Variants in OVOL2 observed in about 807,000 individuals in gnomAD.
OVOL2 encodes the protein transcription factor Ovo-like 2.
In OVOL2, 13 loss-of-function variants were observed where a neutral mutation model predicts 18.1. The ratio of observed to expected loss-of-function variants is 0.72; its 90% CI spans 0.47 to 1.14. OVOL2 has a LOEUF of 1.14. Ranked by LOEUF, OVOL2 falls within the 50% of genes most tolerant of loss-of-function variation. The pLI is 0.00. For synonymous variants in OVOL2, 166 were observed against 162.7 expected (o/e 1.02, Z -0.16); for missense variants, 335 against 383.0 (o/e 0.87, Z 1.05).
At chr20:18,058,772 G>A (rs1200782045), upstream of OVOL2, 2 of 152,238 alleles carry the variant, frequency 1.3e-5, no homozygotes, top group Admixed American at 6.5e-5. Context: ...AGGTAGGAAA[G>A]CTTTGCATTT....
intron 2 of OVOL2, among the ~76,000 whole-genome samples, chr20:18,045,272 T>G (rs6132022): frequency 0.22 from 33,919 of 152,142 alleles, 3,882 homozygotes; most frequent in Non-Finnish European, 0.25. Flanking sequence ...ACAAGCACAT[T>G]TGAGTGGTAG....
intron 2 of OVOL2, among the ~76,000 whole-genome samples, chr20:18,050,231 C>T (rs2036760678): frequency 6.6e-6 from 1 of 152,210 alleles, no homozygotes; most frequent in South Asian, 2.1e-4. Flanking sequence ...TGGGAAGTAA[C>T]TTGGGTTTCA....
rs2036828010 is a variant in OVOL2, at chr20:18,056,594, G to A, written c.321+63C>T. ...GCGGGCGCGGCAGGGAGGGGCGCCG[G>A]CCTCGGGAGCCCGACGCCAGGGCGT... On this transcript the variant is annotated intron_variant, in intron 2 of 3. Coordinates refer to ENST00000278780, the MANE Select transcript of OVOL2 (RefSeq NM_021220.4). The surrounding 1 kb of genome is among the most constrained non-coding windows in gnomAD (Gnocchi z 4.2). 8 of 1,310,062 alleles carry A rather than the reference G, an allele frequency of 6.1e-6. No individual in the cohort carries two copies. Among genetic ancestry groups the A allele is most frequent in the Non-Finnish European group, 7.8e-6 (8 of 1,027,482 alleles). The allele number at this position is 1,310,062 out of a possible 1,614,324, so 81.2% of individuals were successfully genotyped here.
chr20:18,050,347 G>T lies in OVOL2; in HGVS notation c.321+6310C>A, dbSNP rs190997277. Among the ~76,000 whole-genome samples the T allele has an allele frequency of 3.3e-5, 5 of 152,268 alleles. No homozygotes were observed. In the East Asian group the frequency reaches 9.7e-4, roughly 29 times the overall value. On this transcript the variant is annotated intron_variant, in intron 2 of 3. Transcript: ENST00000278780. ...ACTTTGCCATGGCAGATGCAGGGACGGGCAGCCATCGAGGTGGCAGCTTCC... is the reference window on the plus strand; with the variant it reads ...ACTTTGCCATGGCAGATGCAGGGACTGGCAGCCATCGAGGTGGCAGCTTCC...
intron 2 of OVOL2, chr20:18,050,836 T>C (rs1272194368): frequency 6.6e-6 from 1 of 152,120 alleles, no homozygotes; most frequent in Non-Finnish European, 1.5e-5. Context: ...ACGAGCCCAG[T>C]AGGAAGTGTT....
chr20:18,054,776 A>C (rs1340532626), intron 2 of OVOL2, among the ~76,000 whole-genome samples: 1 of 142,700 alleles, frequency 7.0e-6, no homozygotes, highest in Non-Finnish European at 1.5e-5. Context: ...CAAAAAAAAA[A>C]AAAAAAGAAA....
At position 18,056,685 on chromosome 20, in the gene OVOL2, T is replaced by A; in HGVS notation, c.293A>T (p.Gln98Leu). Residue 98 changes from glutamine to leucine, a missense_variant, in exon 2 of 4, where the codon CAG (glutamine) becomes CTG (leucine). By Grantham distance (113) the Gln-to-Leu change is moderately radical. Transcript: ENST00000278780. The surrounding 1 kb of genome is among the most constrained non-coding windows in gnomAD (Gnocchi z 4.2). ...EGPDGHLATK[Q>L]RPVARSKIKF... The stretch of plus-strand genomic sequence containing the variant: ...GATTTTCGATCTGGCGACCGGGCGC[T>A]GCTTGGTCGCCAGGTGTCCATCGGG... The A allele has an allele frequency of 7.0e-7, 1 of 1,437,878 alleles. No individual in the cohort carries two copies. Among genetic ancestry groups the A allele is most frequent in the Non-Finnish European group, 9.1e-7 (1 of 1,100,204 alleles). The allele number at this position is 1,437,878 out of a possible 1,614,324, so 89.1% of individuals were successfully genotyped here.
chr20:18,037,137 A>G (rs1311949957), intron 3 of OVOL2, among the ~76,000 whole-genome samples: 1 of 145,852 alleles, frequency 6.9e-6, no homozygotes, highest in South Asian at 2.2e-4. Context: ...CTCCGTCTCA[A>G]AAAAAAAAAA....
chr20:18,032,570 C>T (rs1600436656), intron 3 of OVOL2, among the ~76,000 whole-genome samples: 1 of 151,982 alleles, frequency 6.6e-6, no homozygotes, highest in Admixed American at 6.6e-5. Context: ...GCAGTGGCAC[C>T]ATCTCAGCTC....
chr20:18,053,679 G>T (rs921450969), intron 2 of OVOL2, among the ~76,000 whole-genome samples: 3 of 145,522 alleles, frequency 2.1e-5, no homozygotes, highest in African/African-American at 8.0e-5. Flanking sequence ...CCAGCTCCAG[G>T]CGACAGAGAG....
chr20:18,031,930 C>T (rs1405344467), intron 3 of OVOL2, among the ~76,000 whole-genome samples: 1 of 152,198 alleles, frequency 6.6e-6, no homozygotes, highest in African/African-American at 2.4e-5. Context: ...TAGTTGCTTT[C>T]CTTGCTATAG....
chr20:18,043,374 G>A (rs986324450), intron 2 of OVOL2, among the ~76,000 whole-genome samples: 1 of 152,170 alleles, frequency 6.6e-6, no homozygotes, highest in Admixed American at 6.5e-5. Context: ...GGTTTTAAGA[G>A]ACCTTGTAGC....
rs1427162504 is a variant in OVOL2, at chr20:18,056,672, G to A, written c.306C>T (p.Ala102=). The A allele has an allele frequency of 2.8e-6, 4 of 1,429,678 alleles. No individual in the cohort carries two copies. Among genetic ancestry groups the A allele is most frequent in the Admixed American group, 3.3e-5 (1 of 30,428 alleles). The allele number at this position is 1,429,678 out of a possible 1,614,324, so 88.6% of individuals were successfully genotyped here. ...GHLATKQRPV[A]RSKIKFTTGT... ...GACACAGTACCTTGATTTTCGATCT[G>A]GCGACCGGGCGCTGCTTGGTCGCCA... The change falls in exon 2 of 4, where the codon GCC becomes GCT. Residue 102 remains alanine (A), a synonymous_variant. Transcript: ENST00000278780. The surrounding 1 kb of genome is among the most constrained non-coding windows in gnomAD (Gnocchi z 4.2).
At chr20:18,034,451 G>A (rs1271113709) in intron 3 of OVOL2, among the ~76,000 whole-genome samples, 1 of 152,114 alleles carries the variant, frequency 6.6e-6, no homozygotes, top group Non-Finnish European at 1.5e-5. Flanking sequence ...CCACTTGACA[G>A]CCCTCCCTCA....
In OVOL2 at chr20:18,057,795, C is replaced by T; in HGVS notation, c.-161G>A. 2.2e-6 allele frequency: 3 copies of T among 1,373,570 alleles called. No homozygotes were observed. The highest frequency in any genetic ancestry group is 3.0e-5 in the East Asian group (1 of 32,992). 85.1% of individuals were successfully genotyped at this position (1,373,570 alleles called of 1,614,324 possible). A position where few individuals can be genotyped will look rare whatever the true frequency, so the allele number is the denominator to read the frequency against. On this transcript the variant is annotated 5_prime_UTR_variant, in exon 1 of 4. Transcript: ENST00000278780. This position sits in a 1 kb window ranked among gnomAD's most constrained non-coding sequence, Gnocchi z 6.3. ...CCGCCGCGGCGCGGCCCAGGCCTCT[C>T]CCCCGCACGCCTGGCGACTCCCAGC...
At chr20:18,042,136 C>T (rs1219886282) in intron 2 of OVOL2, among the ~76,000 whole-genome samples, 1 of 152,020 alleles carries the variant, frequency 6.6e-6, no homozygotes, top group African/African-American at 2.4e-5. Flanking sequence ...TGGTCTCAAA[C>T]TCCTGACCTC....
intron 2 of OVOL2, among the ~76,000 whole-genome samples, chr20:18,053,083 C>A (rs981411813): frequency 6.6e-6 from 1 of 152,200 alleles, no homozygotes; most frequent in African/African-American, 2.4e-5. Flanking sequence ...CGTCAAAAGG[C>A]AGGTAGGCTG....
At position 18,024,454 on chromosome 20, in the gene OVOL2, T is replaced by C; in HGVS notation, c.*182A>G. Reference sequence around the variant, plus strand: ...CAGACAGGACACAGGTTACAGGGCCTGACGTCACTAACGGCAACTGACAAT... The same window carrying C: ...CAGACAGGACACAGGTTACAGGGCCCGACGTCACTAACGGCAACTGACAAT... On this transcript the variant is annotated 3_prime_UTR_variant, in exon 4 of 4. Coordinates refer to ENST00000278780, the MANE Select transcript of OVOL2 (RefSeq NM_021220.4). 1 of 1,322,756 alleles carries C rather than the reference T, an allele frequency of 7.6e-7. No homozygotes were observed. Among genetic ancestry groups the C allele is most frequent in the South Asian group, 1.6e-5 (1 of 60,658 alleles). 81.9% of individuals were successfully genotyped at this position (1,322,756 alleles called of 1,614,324 possible).
rs754009645 is a variant in OVOL2, at chr20:18,041,519, G to A, written c.511+15C>T. The A allele has an allele frequency of 1.6e-5, 25 of 1,599,184 alleles. No homozygotes were observed. The African/African-American group carries it at 2.0e-4, about 13-fold the overall frequency. ...AATAACAAAACAGAGAACAAAGCAC[G>A]CACTCCCCGCTCACCTGTGTGTGTG... On this transcript the variant is annotated intron_variant, in intron 3 of 3. Transcript: ENST00000278780.
Sources: gnomAD v4.1 joint callset for allele counts (sites outside exome capture counted in the v4.1 genomes callset) on GRCh38, gnomAD v4.1.1 for gene constraint, Gnocchi (gnomAD v3.1) non-coding constraint, MANE v1.5 for transcripts, NCBI Gene and HGNC (gene_info 2026-07-23, HGNC 2026-07-21) for gene names.